Variants in JAKMIP2 observed in about 807,000 individuals in gnomAD.
JAKMIP2 encodes the protein janus kinase and microtubule interacting protein 2.
Under a neutral mutation model 115.0 loss-of-function variants are expected in JAKMIP2, and 25 were observed. The ratio of observed to expected loss-of-function variants is 0.22; its 90% CI spans 0.16 to 0.30. The LOEUF (loss-of-function observed/expected upper bound fraction) is 0.30. JAKMIP2 is among the 10% of genes least tolerant of loss of function. JAKMIP2 has a pLI of 1.00. For missense variants in JAKMIP2, 642 were observed against 957.6 expected (o/e 0.67, Z 4.35); for synonymous variants, 334 against 343.6 (o/e 0.97, Z 0.31).
At chr5:147,778,798 T>C (rs927837614) in intron 1 of JAKMIP2, among the ~76,000 whole-genome samples, 3 of 152,142 alleles carry the variant, frequency 2.0e-5, no homozygotes, top group Non-Finnish European at 2.9e-5. Flanking sequence ...GTTTCATGGA[T>C]GTATATCTTA....
chr5:147,667,200 C>T (rs1759346478), intron 2 of JAKMIP2, among the ~76,000 whole-genome samples: 1 of 151,996 alleles, frequency 6.6e-6, no homozygotes, highest in Admixed American at 6.6e-5. Context: ...AAGGGGAGAG[C>T]ACTCGGTAGG....
At chr5:147,662,656 C>T (rs1759074277) in intron 2 of JAKMIP2, among the ~76,000 whole-genome samples, 1 of 151,938 alleles carries the variant, frequency 6.6e-6, no homozygotes. Flanking sequence ...ATACACACAA[C>T]CCCCGCATGC....
chr5:147,722,054 T>C (rs534576361), intron 1 of JAKMIP2, among the ~76,000 whole-genome samples: 2 of 152,308 alleles, frequency 1.3e-5, no homozygotes, highest in Non-Finnish European at 2.9e-5. Context: ...TGAGTTTTCA[T>C]AAATAATTTA....
At chr5:147,731,309 G>C (rs993950775) in intron 1 of JAKMIP2, among the ~76,000 whole-genome samples, 1 of 152,192 alleles carries the variant, frequency 6.6e-6, no homozygotes, top group African/African-American at 2.4e-5. Flanking sequence ...TCTGGGTAAA[G>C]CAATGGTAAT....
At position 147,746,301 on chromosome 5, in the gene JAKMIP2, T is replaced by C. The variant is rs189408710; in HGVS notation, c.-149+36155A>G. 1.8e-3 allele frequency among the ~76,000 whole-genome samples: 271 copies of C among 152,206 alleles called. 1 individual carries two copies. Among genetic ancestry groups the C allele is most frequent in the Middle Eastern group, 6.8e-3 (2 of 294 alleles). On this transcript the variant is annotated intron_variant, in intron 1 of 21. Coordinates refer to ENST00000616793, the MANE Select transcript of JAKMIP2 (RefSeq NM_001270941.2). The stretch of plus-strand genomic sequence containing the variant: ...CATGCCAAGTAGAGGTATTCCCTCA[T>C]CAAATTCTCTCCCAGAAAAAGCTCG...
At chr5:147,650,820 T>C (rs1427221764) in intron 3 of JAKMIP2, among the ~76,000 whole-genome samples, 1 of 152,178 alleles carries the variant, frequency 6.6e-6, no homozygotes, top group Non-Finnish European at 1.5e-5. Flanking sequence ...ATAGTCTGGG[T>C]TGATTAGATA....
intron 1 of JAKMIP2, among the ~76,000 whole-genome samples, chr5:147,683,952 A>C (rs1429121118): frequency 6.6e-6 from 1 of 152,188 alleles, no homozygotes; most frequent in African/African-American, 2.4e-5. Context: ...GGCTATTAGT[A>C]TTTTCCCTAT....
intron 9 of JAKMIP2, 60 bp from the exon 10 acceptor site, chr5:147,639,820 T>C: frequency 6.4e-7 from 1 of 1,571,546 alleles, no homozygotes; most frequent in South Asian, 1.2e-5. Flanking sequence ...CTGTTTTCAA[T>C]GTGAAATATT....
intron 11 of JAKMIP2, 127 bp downstream of exon 11, chr5:147,636,838 G>A (rs1416213759): frequency 3.9e-6 from 3 of 775,212 alleles, no homozygotes; most frequent in Admixed American, 1.8e-5. Context: ...ACATTCTAAC[G>A]CAGTTCGAGA....
chr5:147,660,890 G>C, intron 3 of JAKMIP2, 58 bp downstream of exon 3: 1 of 1,568,656 alleles, frequency 6.4e-7, no homozygotes, highest in Non-Finnish European at 8.6e-7. Flanking sequence ...ACCCCACAGC[G>C]CTCTGAAACC....
Position 147,591,490 on chromosome 5 carries a change from T to C in JAKMIP2, c.*217A>G, listed in dbSNP as rs553516435. 1.2e-5 allele frequency: 8 copies of C among 640,308 alleles called. No individual in the cohort carries two copies. The African/African-American group carries it at 1.5e-4, about 12-fold the overall frequency. 39.7% of individuals were successfully genotyped at this position (640,308 alleles called of 1,614,324 possible). A position where few individuals can be genotyped will look rare whatever the true frequency, so the allele number is the denominator to read the frequency against. ...GTTTCATTAAATGCAGCATATATTG[T>C]AGATTTTCAACAGGGTTGTGTAGGA... On this transcript the variant is annotated 3_prime_UTR_variant, in exon 22 of 22. Coordinates refer to ENST00000616793, the MANE Select transcript of JAKMIP2 (RefSeq NM_001270941.2).
At chr5:147,594,423 C>T (rs1219209924) in intron 21 of JAKMIP2, 3 of 455,510 alleles carry the variant, frequency 6.6e-6, no homozygotes, top group African/African-American at 4.0e-5. Context: ...CAGCATCGAC[C>T]TCTGGGGCTT....
Position 147,619,306 on chromosome 5 carries a change from T to C in JAKMIP2, c.2143-1192A>G, listed in dbSNP as rs185750693. 4.3e-4 allele frequency among the ~76,000 whole-genome samples: 66 copies of C among 152,100 alleles called. 1 individual carries two copies. In the East Asian group the frequency reaches 0.012, roughly 28 times the overall value. On this transcript the variant is annotated intron_variant, in intron 18 of 21. Coordinates refer to ENST00000616793, the MANE Select transcript of JAKMIP2 (RefSeq NM_001270941.2). ...AACACACAACTTAATTTCGTATAGG[T>C]AGAAGAGGCAAGGGTGAAAGGTAGA...
At position 147,734,280 on chromosome 5, in the gene JAKMIP2, A is replaced by G. The variant is rs112556528; in HGVS notation, c.-149+48176T>C. 8.3e-3 allele frequency among the ~76,000 whole-genome samples: 1,271 copies of G among 152,318 alleles called. 15 individuals carry two copies. Among genetic ancestry groups the G allele is most frequent in the African/African-American group, 0.028 (1,173 of 41,562 alleles). ...ACAGATGCTGGAGAGGATGTGGAGA[A>G]ATAGGATGTGGCAAATATACACCAT... On this transcript the variant is annotated intron_variant, in intron 1 of 21. Transcript: ENST00000616793.
intron 1 of JAKMIP2, among the ~76,000 whole-genome samples, chr5:147,727,590 C>T (rs907640362): frequency 6.6e-6 from 1 of 152,122 alleles, no homozygotes; most frequent in Non-Finnish European, 1.5e-5. Flanking sequence ...ATCCAATCAC[C>T]CACCACTAGG....
At chr5:147,672,033 G>A in intron 1 of JAKMIP2, 79 bp from the exon 2 acceptor site, 1 of 1,061,582 alleles carries the variant, frequency 9.4e-7, no homozygotes, top group East Asian at 4.2e-5. Context: ...CTCAGCCTGA[G>A]TTACCTGTAA....
intron 21 of JAKMIP2, among the ~76,000 whole-genome samples, chr5:147,592,515 G>A (rs1472542182): frequency 6.6e-6 from 1 of 152,096 alleles, no homozygotes; most frequent in Non-Finnish European, 1.5e-5. Context: ...TAGAAGTCTA[G>A]GTCGTAATGC....
intron 1 of JAKMIP2, among the ~76,000 whole-genome samples, chr5:147,720,336 C>T (rs1472174625): frequency 6.6e-6 from 1 of 150,540 alleles, no homozygotes; most frequent in Non-Finnish European, 1.5e-5. Flanking sequence ...CTTGGAGTTG[C>T]TCTTCTCGAG....
intron 2 of JAKMIP2, among the ~76,000 whole-genome samples, chr5:147,670,616 G>A (rs1759529966): frequency 6.6e-6 from 1 of 152,006 alleles, no homozygotes; most frequent in South Asian, 2.1e-4. Flanking sequence ...ATATTAAAAA[G>A]AATACTAATA....
Sources: allele counts gnomAD v4.1 joint callset (sites outside exome capture counted in the v4.1 genomes callset), GRCh38; gene constraint gnomAD v4.1.1; transcripts MANE v1.5; gene names NCBI Gene and HGNC (gene_info 2026-07-23, HGNC 2026-07-21).